Variants in ZP4 observed in about 807,000 individuals in gnomAD.
The protein encoded by ZP4 is zona pellucida sperm-binding protein 4.
In ZP4, 62 loss-of-function variants were observed where a neutral mutation model predicts 62.3. That is an observed-to-expected ratio of 0.99 (90% CI 0.81 to 1.23). ZP4 has a LOEUF of 1.23. Ranked by LOEUF, ZP4 falls within the 50% of genes most tolerant of loss-of-function variation. The pLI is 0.00. For missense variants in ZP4, 774 were observed against 656.0 expected (o/e 1.18, Z -1.97); for synonymous variants, 289 against 247.3 (o/e 1.17, Z -1.58).
In ZP4 at chr1:237,888,413, C is replaced by A. The variant is rs754191620; in HGVS notation, c.498G>T (p.Gly166=). The A allele has an allele frequency of 6.3e-5, 101 of 1,611,026 alleles. No homozygotes were observed. Among genetic ancestry groups the A allele is most frequent in the Non-Finnish European group, 8.5e-5 (100 of 1,178,074 alleles). ...CTTCAGAGCTATAACAACAGCCTAG[C>A]CCTTCACAGTCTCCTCGAGAGATGG... ...PSPISRGDCE[G]LGCCYSSEEV... Residue 166 remains glycine, a synonymous_variant, in exon 4 of 12, where the codon GGG becomes GGT. Coordinates refer to ENST00000366570, the MANE Select transcript of ZP4 (RefSeq NM_021186.5).
At chr1:237,885,605 T>A (rs751053387) in intron 7 of ZP4, 25 bp from the exon 8 acceptor site, 6 of 1,608,818 alleles carry the variant, frequency 3.7e-6, no homozygotes, top group Non-Finnish European at 5.1e-6. Context: ...AATAAGGATT[T>A]GAAGTAGTAA....
rs1558529019 is a variant in ZP4, at chr1:237,882,461, G to A, written c.1584C>T (p.Val528=). ...GGTCTGGGCAACTCTTCTGTTTCTTGACAGCCAAGTAGGATACTAACAAGG... is the reference window on the plus strand; with the variant it reads ...GGTCTGGGCAACTCTTCTGTTTCTTAACAGCCAAGTAGGATACTAACAAGG... ...LGALLVSYLA[V]KKQKSCPDQM... Residue 528 remains valine (V), a synonymous_variant, in exon 12 of 12, where the codon GTC becomes GTT. Transcript: ENST00000366570. 1.2e-6 allele frequency: 2 copies of A among 1,611,010 alleles called. No homozygotes were observed. The highest frequency in any genetic ancestry group is 1.1e-5 in the South Asian group (1 of 90,560).
At chr1:237,888,851 T>C (rs116491884) in intron 3 of ZP4, among the ~76,000 whole-genome samples, 2,390 of 152,304 alleles carry the variant, frequency 0.016, 27 homozygotes, top group Non-Finnish European at 0.024. Context: ...AGTTTGGATA[T>C]GAGTTATCTG....
In ZP4 at chr1:237,888,526, G is replaced by C. The variant is rs1337495930; in HGVS notation, c.401-16C>G. The C allele has an allele frequency of 1.3e-6, 2 of 1,581,072 alleles. No homozygotes were observed. The highest frequency in any genetic ancestry group is 1.3e-5 in the African/African-American group (1 of 74,346). On this transcript the variant is annotated splice_polypyrimidine_tract_variant and intron_variant, in intron 3 of 11. Transcript: ENST00000366570. ...GCATCTCGGGCTAGGTTTTGAAAAA[G>C]AGTAAGTCAGGTTAGATAATGGAAA... is the stretch of plus-strand genomic sequence containing the variant.
chr1:237,882,845 T>C lies in ZP4; in HGVS notation c.1392A>G (p.Arg464=). The C allele has an allele frequency of 6.2e-7, 1 of 1,612,828 alleles. No individual in the cohort carries two copies. The highest frequency in any genetic ancestry group is 1.7e-5 in the Admixed American group (1 of 59,668). ...SCVVTCPDLS[R]RRNFDNSSQN... is the part of the protein sequence containing the mutation. ...GAGAACTGTTGTCAAAATTTCTTCT[T>C]CCTGTTAGAGAAATGAGACCTAGTA... is the stretch of plus-strand genomic sequence containing the variant. Residue 464 remains arginine, a splice_region_variant and synonymous_variant, in exon 11 of 12, where the codon CGA becomes CGG. Transcript: ENST00000366570.
chr1:237,888,415 C>T lies in ZP4; in HGVS notation c.496G>A (p.Gly166Arg), dbSNP rs751583985. 3 of 1,611,234 alleles carry T rather than the reference C, an allele frequency of 1.9e-6. No individual in the cohort carries two copies. The Admixed American group carries it at 5.0e-5, about 27-fold the overall frequency. The part of the protein sequence containing the change: ...PSPISRGDCE[G>R]LGCCYSSEEV... ...TCAGAGCTATAACAACAGCCTAGCC[C>T]TTCACAGTCTCCTCGAGAGATGGGT... The change falls in exon 4 of 12, where the codon GGG becomes AGG. Residue 166 changes from glycine (G) to arginine (R), a missense_variant. Coordinates refer to ENST00000366570, the MANE Select transcript of ZP4 (RefSeq NM_021186.5).
rs775386290 is a variant in ZP4 at position 237,890,673 on chromosome 1, G to A, written c.-38C>T. ...AGTTCCTGCCGGCTGCAGACTCTCC[G>A]CCTCCTCTCCCAAGAGCCGAGGGTC... is the stretch of plus-strand genomic sequence containing the variant. On this transcript the variant is annotated 5_prime_UTR_variant, in exon 1 of 12. Coordinates refer to ENST00000366570, the MANE Select transcript of ZP4 (RefSeq NM_021186.5). The A allele has an allele frequency of 3.9e-5, 62 of 1,592,428 alleles. No homozygotes were observed. The Admixed American group carries it at 7.1e-4, about 18-fold the overall frequency.
At position 237,885,240 on chromosome 1, in the gene ZP4, A is replaced by G. The variant is rs758745986; in HGVS notation, c.1236T>C (p.Ser412=). 4 of 1,614,054 alleles carry G rather than the reference A, an allele frequency of 2.5e-6. No individual in the cohort carries two copies. In the East Asian group the frequency reaches 6.7e-5, roughly 27 times the overall value. ...VQKALDLPFP[S]HHQRFSIFTF... ...TGAAGATGCTGAAGCGCTGGTGGTG[A>G]GAGGGAAATGGAAGATCCAAGGCTT... The change falls in exon 9 of 12, where the codon TCT becomes TCC. Residue 412 remains serine, a synonymous_variant. Transcript: ENST00000366570.
At chr1:237,883,732 GGAGAGAGAGGGAGAGA>G (rs1664987033) in intron 10 of ZP4, among the ~76,000 whole-genome samples, 1 of 66,686 alleles carries the variant, frequency 1.5e-5, no homozygotes, top group Non-Finnish European at 3.2e-5. Flanking sequence ...GGCGGGGGAG[GGAGAGAGAGGGAGAGA>G]GAGGGAGAGA....
rs750633483 is a variant in ZP4 at position 237,889,850 on chromosome 1, G to T, written c.400+17C>A. 6 of 1,548,546 alleles carry T rather than the reference G, an allele frequency of 3.9e-6. 1 individual carries two copies. The African/African-American group carries it at 8.1e-5, about 21-fold the overall frequency. ...CCCCACCACCCCCACAAGACCCTGAGAGCTTCCAGCCTTTACCTAGAAGAT... is the reference window on the plus strand; with the variant it reads ...CCCCACCACCCCCACAAGACCCTGATAGCTTCCAGCCTTTACCTAGAAGAT... On this transcript the variant is annotated intron_variant, in intron 3 of 11. Transcript: ENST00000366570.
intron 11 of ZP4, 30 bp downstream of exon 11, chr1:237,882,712 A>T (rs751104493): frequency 6.2e-7 from 1 of 1,607,486 alleles, no homozygotes; most frequent in South Asian, 1.1e-5. Context: ...TTAGTTCACT[A>T]GTTTGATCTC....
chr1:237,886,763 G>A lies in ZP4; in HGVS notation c.839+8C>T. The A allele has an allele frequency of 1.2e-6, 2 of 1,612,720 alleles. No individual in the cohort carries two copies. The highest frequency in any genetic ancestry group is 1.7e-6 in the Non-Finnish European group (2 of 1,179,054). On this transcript the variant is annotated splice_region_variant and intron_variant, in intron 6 of 11. Transcript: ENST00000366570. ...GCAGATGGGAAGTCATTCTGGCCAA[G>A]CCCTTACCTGAAGATGCTGTCACGA... is the stretch of plus-strand genomic sequence containing the variant.
intron 11 of ZP4, 91 bp from the exon 12 acceptor site, chr1:237,882,640 G>A: frequency 6.4e-7 from 1 of 1,573,502 alleles, no homozygotes; most frequent in Non-Finnish European, 8.6e-7. Flanking sequence ...GCTATAGGAA[G>A]GTCAATTTCT....
Position 237,889,967 on chromosome 1 carries a change from G to T in ZP4, c.300C>A (p.Asp100Glu). Residue 100 changes from aspartate to glutamate, a missense_variant and splice_region_variant, in exon 3 of 12, where the codon GAC becomes GAA. Asp to Glu is a conservative substitution (Grantham distance 45, BLOSUM62 2). Transcript: ENST00000366570. ...TYSSCYVTEW[D>E]SHYIMPVGVE... ...CTCCAACTGGCATGATGTAGTGGGAGTCCTGGAGAGACAGGCCCTTGGGGG... is the reference window on the plus strand; with the variant it reads ...CTCCAACTGGCATGATGTAGTGGGATTCCTGGAGAGACAGGCCCTTGGGGG... The T allele has an allele frequency of 6.2e-7, 1 of 1,614,178 alleles. No homozygotes were observed.
chr1:237,883,987 C>CAA lies in ZP4; in HGVS notation c.1390+781_1390+782insTT, dbSNP rs1558530774. ...ACACAAACACACACACACACAAACA[C>CAA]ACACACACACACACACACACACACA... On this transcript the variant is annotated intron_variant, in intron 10 of 11. Transcript: ENST00000366570. Among the ~76,000 whole-genome samples the CAA allele has an allele frequency of 1.3e-3, 46 of 36,382 alleles. No homozygotes were observed. In the South Asian group the frequency reaches 0.014, roughly 11 times the overall value. 23.9% of individuals were successfully genotyped at this position (36,382 alleles called of 152,430 possible).
rs889208920 is a variant in ZP4, at chr1:237,885,416, G to C, written c.1135C>G (p.Pro379Ala). 2 of 1,612,342 alleles carry C rather than the reference G, an allele frequency of 1.2e-6. No homozygotes were observed. Among genetic ancestry groups the C allele is most frequent in the African/African-American group, 1.3e-5 (1 of 74,958 alleles). Residue 379 changes from proline to alanine, a missense_variant, in exon 8 of 12, where the codon CCA (proline) becomes GCA (alanine). Transcript: ENST00000366570. Reference protein sequence around the residue: ...ATPSTDPLSQPQWPILVKGCP... With the variant: ...ATPSTDPLSQAQWPILVKGCP... ...CCCTTTACCAGGATGGGCCACTGTG[G>C]CTGACTCAGGGGGTCAGTGCTGGGT...
intron 10 of ZP4, among the ~76,000 whole-genome samples, chr1:237,883,653 CGGGGG>C (rs1664974510): frequency 1.9e-4 from 1 of 5,390 alleles, no homozygotes; most frequent in Admixed American, 3.2e-3. Context: ...CGGGGGAGGG[CGGGGG>C]AGGGCCGGGG....
At chr1:237,882,669 G>A in intron 11 of ZP4, 73 bp downstream of exon 11, 3 of 1,589,470 alleles carry the variant, frequency 1.9e-6, no homozygotes, top group Non-Finnish European at 2.6e-6. Context: ...GAACAAGAGG[G>A]ATAGAAAGGA....
intron 5 of ZP4, among the ~76,000 whole-genome samples, chr1:237,887,083 G>A (rs907305508): frequency 1.3e-5 from 2 of 152,198 alleles, no homozygotes; most frequent in Non-Finnish European, 2.9e-5. Context: ...GCACCTAGGA[G>A]AGGCAGCTGA....
Sources: gnomAD v4.1 joint callset for allele counts (sites outside exome capture counted in the v4.1 genomes callset) on GRCh38, gnomAD v4.1.1 for gene constraint, MANE v1.5 for transcripts, NCBI Gene and HGNC (gene_info 2026-07-23, HGNC 2026-07-21) for gene names.